The following BCAR3 variants were observed in gnomAD, a reference collection of about 807,000 sequenced individuals.
BCAR3 encodes the protein BCAR3 adaptor protein, NSP family member.
In BCAR3, 37 loss-of-function variants were observed where a neutral mutation model predicts 80.1. The ratio of observed to expected loss-of-function variants is 0.46; its 90% CI spans 0.36 to 0.61. The LOEUF (loss-of-function observed/expected upper bound fraction) is 0.61. Among genes scored for constraint, BCAR3 ranks in the 20% least tolerant of loss-of-function variants. BCAR3 has a pLI of 0.00. For missense variants in BCAR3, 978 were observed against 1,068.2 expected, an observed-to-expected ratio of 0.92 and a Z score of 1.18; for synonymous variants, 389 against 418.9, an observed-to-expected ratio of 0.93 and a Z score of 0.87.
At chr1:93,751,502 C>T (rs1007892414) in intron 2 of BCAR3, among the ~76,000 whole-genome samples, 1 of 152,184 alleles carries the variant, frequency 6.6e-6, no homozygotes, top group African/African-American at 2.4e-5. Flanking sequence ...GGTTTCCAGA[C>T]TATGGCAGCA....
intron 2 of BCAR3, among the ~76,000 whole-genome samples, chr1:93,735,720 G>C (rs767744185): frequency 1.4e-4 from 22 of 152,192 alleles, no homozygotes; most frequent in Non-Finnish European, 2.8e-4. Flanking sequence ...GCATAAAGTG[G>C]TCTTGAGATA....
intron 5 of BCAR3, among the ~76,000 whole-genome samples, chr1:93,587,697 C>A (rs1570937121): frequency 7.1e-6 from 1 of 140,728 alleles, no homozygotes; most frequent in African/African-American, 2.6e-5. Flanking sequence ...ATGGACCCCC[C>A]CGCCAAAAAA....
chr1:93,570,781 A>G (rs1673180853), intron 9 of BCAR3, among the ~76,000 whole-genome samples: 1 of 152,210 alleles, frequency 6.6e-6, no homozygotes, highest in South Asian at 2.1e-4. Flanking sequence ...TTCTTATACA[A>G]CACACTTTAG....
chr1:93,655,903 C>A (rs1647358262), intron 2 of BCAR3, among the ~76,000 whole-genome samples: 1 of 152,194 alleles, frequency 6.6e-6, no homozygotes, highest in African/African-American at 2.4e-5. Flanking sequence ...AACAACAAAA[C>A]AAGGGAGCTG....
chr1:93,785,562 A>G (rs1430169503), intron 2 of BCAR3, among the ~76,000 whole-genome samples: 1 of 152,254 alleles, frequency 6.6e-6, no homozygotes, highest in Admixed American at 6.5e-5. Flanking sequence ...GGATGTATAC[A>G]AAAAGATCTA....
chr1:93,739,864 G>A (rs1260422441), intron 2 of BCAR3, among the ~76,000 whole-genome samples: 7 of 151,838 alleles, frequency 4.6e-5, no homozygotes, highest in African/African-American at 1.2e-4. Flanking sequence ...GTGAAACCCC[G>A]TCTCTACAAA....
rs1405137153 is a variant in BCAR3, at chr1:93,592,976, AT to A, written c.358-584del. On this transcript the variant is annotated intron_variant, in intron 3 of 11. Transcript: ENST00000260502. The surrounding 1 kb of genome is among the most constrained non-coding windows in gnomAD (Gnocchi z 4.8). ...AATCTAATAACAGAAGTCTGTCTTT[AT>A]TTCACATTTCTAATATTTCATTTTT... 1.3e-5 allele frequency among the ~76,000 whole-genome samples: 2 copies of A among 152,240 alleles called. No individual in the cohort carries two copies. Among genetic ancestry groups the A allele is most frequent in the Admixed American group, 1.3e-4 (2 of 15,290 alleles).
intron 3 of BCAR3, among the ~76,000 whole-genome samples, chr1:93,628,560 C>G (rs1441199958): frequency 6.6e-6 from 1 of 152,308 alleles, no homozygotes; most frequent in East Asian, 1.9e-4. Flanking sequence ...GCTTCAAAGC[C>G]TTGCCCTTCT....
chr1:93,658,188 C>T (rs1227190092), intron 2 of BCAR3, among the ~76,000 whole-genome samples: 1 of 152,126 alleles, frequency 6.6e-6, no homozygotes, highest in Non-Finnish European at 1.5e-5. Flanking sequence ...ATCCGCCCGC[C>T]TCGGCCTCCC....
rs766695124 is a variant in BCAR3 at position 93,583,001 on chromosome 1, T to C, written c.1034-48A>G. The C allele has an allele frequency of 8.6e-6, 13 of 1,514,540 alleles. No homozygotes were observed. In the South Asian group the frequency reaches 1.0e-4, roughly 12 times the overall value. The allele number at this position is 1,514,540 out of a possible 1,614,324, so 93.8% of individuals were successfully genotyped here. A position where few individuals can be genotyped will look rare whatever the true frequency, so the allele number is the denominator to read the frequency against. On this transcript the variant is annotated intron_variant, in intron 6 of 11. Transcript: ENST00000260502. ...AGAGAAAGCTCATCTGTGTGGAGAA[T>C]ATAAAACAAACAAAACCAGAGTGGC...
intron 2 of BCAR3, among the ~76,000 whole-genome samples, chr1:93,845,188 T>A (rs1262516319): frequency 6.6e-6 from 1 of 151,876 alleles, no homozygotes; most frequent in Non-Finnish European, 1.5e-5. Context: ...CATTTGAGAT[T>A]TGGCTCCAAT....
At chr1:93,659,308 C>T (rs1205658181) in intron 2 of BCAR3, among the ~76,000 whole-genome samples, 1 of 152,140 alleles carries the variant, frequency 6.6e-6, no homozygotes, top group African/African-American at 2.4e-5. Flanking sequence ...ACTCAGCCTC[C>T]TGAGTAGCTG....
intron 9 of BCAR3, among the ~76,000 whole-genome samples, chr1:93,568,550 T>C (rs1403102487): frequency 6.6e-6 from 1 of 152,252 alleles, no homozygotes; most frequent in Non-Finnish European, 1.5e-5. Context: ...ATGTTGCTTA[T>C]TTTAAATACT....
intron 2 of BCAR3, chr1:93,753,251 G>A (rs1368310158): frequency 3.9e-5 from 6 of 152,124 alleles, no homozygotes; most frequent in African/African-American, 9.7e-5. Context: ...GTTTCCAAGC[G>A]GTGTTTTTGT....
chr1:93,771,857 A>C lies in BCAR3; in HGVS notation c.-62-65715T>G, dbSNP rs554721480. Among the ~76,000 whole-genome samples the C allele has an allele frequency of 2.6e-5, 4 of 152,294 alleles. No individual in the cohort carries two copies. The East Asian group carries it at 7.7e-4, about 29-fold the overall frequency. The stretch of plus-strand genomic sequence containing the variant: ...CACCCTTCCTCTACCAAATGTACCC[A>C]AATATAGCACATCATAGCATTTTCC... On this transcript the variant is annotated intron_variant, in intron 2 of 13. Coordinates refer to the BCAR3 transcript ENST00000370244.
chr1:93,809,773 GAT>G (rs1491376457), intron 2 of BCAR3, among the ~76,000 whole-genome samples: 3,390 of 46,938 alleles, frequency 0.072, 95 homozygotes, highest in African/African-American at 0.16. Context: ...GTCTCAAAAA[GAT>G]AAAAAAAAAA....
At chr1:93,569,123 C>T (rs1673100101) in intron 9 of BCAR3, among the ~76,000 whole-genome samples, 2 of 152,176 alleles carry the variant, frequency 1.3e-5, no homozygotes, top group Non-Finnish European at 2.9e-5. Context: ...ACCGGCAAGG[C>T]TATGTTAAGT....
At chr1:93,661,743 C>T (rs968406851) in intron 2 of BCAR3, among the ~76,000 whole-genome samples, 1 of 152,228 alleles carries the variant, frequency 6.6e-6, no homozygotes, top group African/African-American at 2.4e-5. Context: ...CCCACCTTGG[C>T]CTCCCAAAGT....
intron 3 of BCAR3, among the ~76,000 whole-genome samples, chr1:93,622,141 C>T (rs1056099192): frequency 2.0e-5 from 3 of 152,164 alleles, no homozygotes; most frequent in Admixed American, 2.0e-4. Context: ...CCTTGTGACT[C>T]ACCCTCCTAG....
Sources: gnomAD v4.1 joint callset for allele counts (sites outside exome capture counted in the v4.1 genomes callset) on GRCh38, gnomAD v4.1.1 for gene constraint, Gnocchi (gnomAD v3.1) non-coding constraint, MANE v1.5 for transcripts, NCBI Gene and HGNC (gene_info 2026-07-23, HGNC 2026-07-21) for gene names.